Variants in CDH23 observed in about 807,000 individuals in gnomAD.
CDH23 encodes cadherin related 23.
In CDH23, 189 loss-of-function variants were observed where a neutral mutation model predicts 317.1. The ratio of observed to expected loss-of-function variants is 0.60; its 90% confidence interval spans 0.53 to 0.67. The LOEUF (loss-of-function observed/expected upper bound fraction) is 0.67, where lower values mean the gene tolerates loss of function less well. Among genes scored for constraint, CDH23 ranks in the 30% least tolerant of loss-of-function variants. CDH23 has a pLI of 0.00. For synonymous variants in CDH23, 1,839 were observed against 1,876.8 expected, an observed-to-expected ratio of 0.98 and a Z score of 0.52; for missense variants, 4,401 against 4,592.4, an observed-to-expected ratio of 0.96 and a Z score of 1.20.
intron 6 of CDH23, among the ~76,000 whole-genome samples, chr10:71,544,615 C>G (rs1444337141): frequency 6.6e-6 from 1 of 152,190 alleles, no homozygotes; most frequent in African/African-American, 2.4e-5. Context: ...GAGGAGCATA[C>G]CTACACCAGG....
At chr10:71,700,473 A>G (rs1377510284) in intron 22 of CDH23, among the ~76,000 whole-genome samples, 1 of 152,256 alleles carries the variant, frequency 6.6e-6, no homozygotes, top group East Asian at 1.9e-4. Context: ...TCCATCTGTG[A>G]AACGACTTGG....
At chr10:71,561,156 T>C (rs1052279277) in intron 6 of CDH23, among the ~76,000 whole-genome samples, 1 of 152,104 alleles carries the variant, frequency 6.6e-6, no homozygotes, top group Non-Finnish European at 1.5e-5. Flanking sequence ...TTCAGTTAGT[T>C]CCTTTCTCCC....
At chr10:71,642,136 A>C (rs555795017) in intron 11 of CDH23, among the ~76,000 whole-genome samples, 24 of 151,726 alleles carry the variant, frequency 1.6e-4, no homozygotes, top group African/African-American at 5.8e-4. Flanking sequence ...CATTCCTAAC[A>C]CCAGCTCAGA....
At chr10:71,412,259 C>T (rs1312899258) in intron 1 of CDH23, among the ~76,000 whole-genome samples, 16 of 152,170 alleles carry the variant, frequency 1.1e-4, no homozygotes, top group Non-Finnish European at 2.9e-5. Context: ...AATAATGATG[C>T]TATGAATGTT....
chr10:71,584,409 G>C (rs567824610), intron 9 of CDH23, among the ~76,000 whole-genome samples: 1 of 152,132 alleles, frequency 6.6e-6, no homozygotes, highest in Non-Finnish European at 1.5e-5. Flanking sequence ...GGGGCACTAT[G>C]GTAGTGAAGG....
chr10:71,510,831 G>T (rs1348782096), intron 4 of CDH23, 123 bp from the exon 5 acceptor site: 4 of 865,838 alleles, frequency 4.6e-6, no homozygotes, highest in South Asian at 1.4e-5. Flanking sequence ...GAAGCCTTTG[G>T]GTGCCTGGTT....
chr10:71,805,942 G>T lies in CDH23; in HGVS notation c.8009G>T (p.Ser2670Ile), dbSNP rs749342092. The change falls in exon 56 of 70, where the codon AGC (serine) becomes ATC (isoleucine). Residue 2670 changes from serine (S) to isoleucine (I), a missense_variant. By Grantham distance (142) the Ser-to-Ile change is moderately radical. Around this residue, in one of 3 missense-constraint regions of CDH23, gnomAD observed 1,144 missense variants for 1,138.2 expected, o/e 1.01. Transcript: ENST00000224721. ...DWEFFIIDPI[S>I]GLIQTAQRLD... is the part of the protein sequence containing the mutation. Reference sequence around the variant, plus strand: ...GAGTTCTTCATCATCGACCCAATCAGCGGCCTCATCCAGACTGCTCAGCGC... The same window carrying T: ...GAGTTCTTCATCATCGACCCAATCATCGGCCTCATCCAGACTGCTCAGCGC... 3.7e-6 allele frequency: 6 copies of T among 1,613,416 alleles called. No individual in the cohort carries two copies. Among genetic ancestry groups the T allele is most frequent in the South Asian group, 1.1e-5 (1 of 90,958 alleles).
In CDH23 at chr10:71,734,592, C is replaced by T. The variant is rs373444592; in HGVS notation, c.4207-64C>T. On this transcript the variant is annotated intron_variant, in intron 33 of 69. Coordinates refer to ENST00000224721, the MANE Select transcript of CDH23 (RefSeq NM_022124.6). ...GAGTGGGGTCTGGAAGAGCCACAGA[C>T]GGCTAACCATTTGCATCTTTGCCTT... 5.5e-4 allele frequency: 883 copies of T among 1,594,520 alleles called. 4 individuals carry two copies. Among genetic ancestry groups the T allele is most frequent in the Middle Eastern group, 3.4e-3 (20 of 5,962 alleles).
Position 71,645,891 on chromosome 10 carries a change from T to C in CDH23, c.1201T>C (p.Ser401Pro). The change falls in exon 13 of 70, where the codon TCC becomes CCC. Residue 401 changes from serine to proline, a missense_variant. Around this residue, in one of 3 missense-constraint regions of CDH23, gnomAD observed 3,068 missense variants for 3,203.3 expected, o/e 0.96. Transcript: ENST00000224721. ...VGNNSHHFII[S>P]PTSVQGKADI... ...GAACAACTCCCACCACTTCATCATCTCCCCGACCTCCGTCCAGGGGAAGGC... is the reference window on the plus strand; with the variant it reads ...GAACAACTCCCACCACTTCATCATCCCCCCGACCTCCGTCCAGGGGAAGGC... 2 of 1,613,556 alleles carry C rather than the reference T, an allele frequency of 1.2e-6. No homozygotes were observed. The highest frequency in any genetic ancestry group is 1.7e-6 in the Non-Finnish European group (2 of 1,179,602).
chr10:71,576,129 G>A (rs1453836917), intron 8 of CDH23, among the ~76,000 whole-genome samples: 3 of 152,230 alleles, frequency 2.0e-5, no homozygotes, highest in Admixed American at 6.5e-5. Flanking sequence ...TGAGGACTGA[G>A]GGCACTTTTG....
intron 38 of CDH23, among the ~76,000 whole-genome samples, chr10:71,774,051 G>GCGCACACA (rs1491406336): frequency 1.1e-5 from 1 of 88,456 alleles, no homozygotes; most frequent in Non-Finnish European, 2.9e-5. Flanking sequence ...ATGCGCGCGC[G>GCGCACACA]CACACACACA....
chr10:71,576,089 C>T (rs916908125), intron 8 of CDH23, among the ~76,000 whole-genome samples: 1 of 152,232 alleles, frequency 6.6e-6, no homozygotes, highest in Non-Finnish European at 1.5e-5. Flanking sequence ...GGCCTCTGGG[C>T]AGCCCCATGC....
At chr10:71,613,844 G>A (rs1375998325) in intron 9 of CDH23, among the ~76,000 whole-genome samples, 1 of 152,168 alleles carries the variant, frequency 6.6e-6, no homozygotes, top group Non-Finnish European at 1.5e-5. Context: ...CGTGGAATCG[G>A]TGTCCATCCA....
intron 1 of CDH23, among the ~76,000 whole-genome samples, chr10:71,430,617 G>A (rs906823080): frequency 6.6e-6 from 1 of 152,148 alleles, no homozygotes; most frequent in African/African-American, 2.4e-5. Context: ...GAGACAACCT[G>A]ACCAACATGA....
intron 48 of CDH23, among the ~76,000 whole-genome samples, chr10:71,794,299 G>C (rs967127600): frequency 6.6e-6 from 1 of 152,230 alleles, no homozygotes; most frequent in Admixed American, 6.5e-5. Context: ...ACTGCACCCA[G>C]CCGTGATACC....
intron 60 of CDH23, among the ~76,000 whole-genome samples, chr10:71,808,649 C>G (rs4747198): frequency 0.27 from 41,529 of 151,974 alleles, 6,057 homozygotes; most frequent in East Asian, 0.53. Flanking sequence ...ACTCCCAGCC[C>G]CAACCCCTTC....
intron 38 of CDH23, among the ~76,000 whole-genome samples, chr10:71,760,287 ATGTG>A (rs1437171382): frequency 3.6e-5 from 4 of 111,866 alleles, no homozygotes; most frequent in Admixed American, 9.8e-5. Flanking sequence ...GTATGTATAT[ATGTG>A]TATATATATG....
chr10:71,553,631 G>A (rs900347455), intron 6 of CDH23, among the ~76,000 whole-genome samples: 6 of 152,234 alleles, frequency 3.9e-5, no homozygotes, highest in African/African-American at 1.4e-4. Context: ...GGAGAGCTGC[G>A]TTGCTGGAGC....
intron 11 of CDH23, chr10:71,622,846 C>CTCTT: frequency 1.3e-6 from 1 of 749,626 alleles, no homozygotes; most frequent in Non-Finnish European, 1.6e-6. Context: ...GGACACCACT[C>CTCTT]TCTTCCCCAC....
Sources: allele counts gnomAD v4.1 joint callset (sites outside exome capture counted in the v4.1 genomes callset), GRCh38; gene constraint gnomAD v4.1.1; regional missense constraint gnomAD v4.1.1; transcripts MANE v1.5; gene names NCBI Gene and HGNC (gene_info 2026-07-23, HGNC 2026-07-21).